PLCL1: variants seen among roughly 807,000 people sequenced by gnomAD.
The protein encoded by PLCL1 is phospholipase C like 1 (inactive).
PLCL1 carries 41 observed loss-of-function variants against 84.4 expected under a neutral mutation model. The ratio of observed to expected loss-of-function variants is 0.49; its 90% CI spans 0.38 to 0.63. The LOEUF (loss-of-function observed/expected upper bound fraction) is 0.63. PLCL1 is among the 30% of genes least tolerant of loss of function. The probability of loss-of-function intolerance (pLI) is 0.00; values close to 1 mark genes in which losing one functional copy is unlikely to be tolerated. For synonymous variants in PLCL1, 490 were observed against 488.3 expected, an observed-to-expected ratio of 1.00 and a Z score of -0.05; for missense variants, 1,206 against 1,367.8, an observed-to-expected ratio of 0.88 and a Z score of 1.87.
chr2:197,988,500 A>G (rs547249002), intron 1 of PLCL1, among the ~76,000 whole-genome samples: 1 of 152,278 alleles, frequency 6.6e-6, no homozygotes, highest in Admixed American at 6.5e-5. Flanking sequence ...GAGTTACTTC[A>G]CTTGGAATAA....
At chr2:197,902,024 C>A (rs552708443) in intron 1 of PLCL1, among the ~76,000 whole-genome samples, 2 of 152,230 alleles carry the variant, frequency 1.3e-5, no homozygotes, top group South Asian at 2.1e-4. Flanking sequence ...ATCATATAAA[C>A]CCTCATAAAC....
intron 1 of PLCL1, among the ~76,000 whole-genome samples, chr2:197,922,515 A>G (rs1688723505): frequency 8.6e-6 from 1 of 116,938 alleles, no homozygotes; most frequent in South Asian, 2.9e-4. Flanking sequence ...CCCGTTCTCA[A>G]TGAGCTGTTG....
At chr2:197,993,394 G>T (rs1291942055) in intron 1 of PLCL1, among the ~76,000 whole-genome samples, 4 of 152,130 alleles carry the variant, frequency 2.6e-5, no homozygotes, top group Non-Finnish European at 5.9e-5. Context: ...TCTTGGGTAG[G>T]ATTTCTGGTG....
chr2:198,007,907 C>G (rs1353108061), intron 1 of PLCL1, among the ~76,000 whole-genome samples: 2 of 151,964 alleles, frequency 1.3e-5, no homozygotes, highest in Non-Finnish European at 2.9e-5. Context: ...AATATGCCAC[C>G]CAAACCTAGG....
intron 1 of PLCL1, among the ~76,000 whole-genome samples, chr2:198,015,440 G>A (rs1690974281): frequency 6.6e-6 from 1 of 152,102 alleles, no homozygotes; most frequent in South Asian, 2.1e-4. Context: ...AAATCAGAAA[G>A]CAAAAGTTTT....
Position 197,939,297 on chromosome 2 carries a change from A to G in PLCL1, c.240+133958A>G, listed in dbSNP as rs78582155. Among the ~76,000 whole-genome samples the G allele has an allele frequency of 4.8e-3, 729 of 152,292 alleles. 5 individuals are homozygous for G. Among genetic ancestry groups the G allele is most frequent in the African/African-American group, 0.016 (681 of 41,572 alleles). ...TGTCTCTTAACCCTGAATGCACATT[A>G]GAATGACCTGGGAGCATTTAAAAAG... On this transcript the variant is annotated intron_variant, in intron 1 of 5. Transcript: ENST00000428675.
chr2:198,092,436 A>C lies in PLCL1; in HGVS notation c.2919+3375A>C, dbSNP rs1693068500. Among the ~76,000 whole-genome samples, 4 of 152,330 alleles carry C rather than the reference A, an allele frequency of 2.6e-5. No individual in the cohort carries two copies. The South Asian group carries it at 8.3e-4, about 32-fold the overall frequency. On this transcript the variant is annotated intron_variant, in intron 3 of 5. Transcript: ENST00000428675. ...CAATATGTAATGATCAAATTAGAGT[A>C]ATTAGCATATCCATCACCTCAAACA...
intron 1 of PLCL1, among the ~76,000 whole-genome samples, chr2:198,036,724 A>C (rs934007232): frequency 6.6e-6 from 1 of 152,214 alleles, no homozygotes; most frequent in Non-Finnish European, 1.5e-5. Context: ...CACTACACAA[A>C]ACTTTGCTAC....
intron 1 of PLCL1, among the ~76,000 whole-genome samples, chr2:198,078,723 A>G (rs919747151): frequency 2.0e-5 from 3 of 152,116 alleles, no homozygotes; most frequent in Admixed American, 2.0e-4. Context: ...CTTAAAAAAA[A>G]CTTGCCAAAA....
At chr2:197,897,190 TCCTTCTCCTTCTTC>T (rs1688165527) in intron 1 of PLCL1, among the ~76,000 whole-genome samples, 1 of 36,902 alleles carries the variant, frequency 2.7e-5, no homozygotes, top group Non-Finnish European at 5.5e-5. Context: ...CTTCTTCTTC[TCCTTCTCCTTCTTC>T]TTTCTTCTTC....
At chr2:197,848,375 C>T (rs700684) in intron 1 of PLCL1, among the ~76,000 whole-genome samples, 110,525 of 152,074 alleles carry the variant, frequency 0.73, 41,208 homozygotes, top group African/African-American at 0.9. Context: ...CTTGGTAAAA[C>T]GGGAGTACGT....
chr2:198,144,401 A>G (rs1303518975), intron 5 of PLCL1, among the ~76,000 whole-genome samples: 1 of 152,216 alleles, frequency 6.6e-6, no homozygotes, highest in Non-Finnish European at 1.5e-5. Flanking sequence ...TACATTATAC[A>G]TATCTCTGTA....
chr2:197,994,459 G>A (rs1518369), intron 1 of PLCL1, among the ~76,000 whole-genome samples: 27,727 of 152,102 alleles, frequency 0.18, 2,602 homozygotes, highest in East Asian at 0.26. Flanking sequence ...AAAGTCATCT[G>A]AGTCAGAAAT....
intron 1 of PLCL1, among the ~76,000 whole-genome samples, chr2:198,017,484 A>G (rs985424979): frequency 6.6e-6 from 1 of 152,240 alleles, no homozygotes; most frequent in South Asian, 2.1e-4. Context: ...TATAGCAGGC[A>G]CTCAGTACTT....
chr2:198,003,762 A>C (rs1690661446), intron 1 of PLCL1, among the ~76,000 whole-genome samples: 1 of 152,218 alleles, frequency 6.6e-6, no homozygotes, highest in African/African-American at 2.4e-5. Context: ...CTCACTGTAC[A>C]TTCTCTATAC....
At chr2:197,924,961 T>A (rs999703728) in intron 1 of PLCL1, among the ~76,000 whole-genome samples, 1 of 152,166 alleles carries the variant, frequency 6.6e-6, no homozygotes, top group Non-Finnish European at 1.5e-5. Context: ...TTGAATAAAT[T>A]CGGGCAATCA....
chr2:198,064,823 T>C (rs2105880285), intron 1 of PLCL1, among the ~76,000 whole-genome samples: 1 of 152,332 alleles, frequency 6.6e-6, no homozygotes, highest in Non-Finnish European at 1.5e-5. Flanking sequence ...AAAGTCTTTA[T>C]GTTTTGCAGA....
intron 1 of PLCL1, among the ~76,000 whole-genome samples, chr2:197,890,805 C>CACGCA (rs1444173970): frequency 9.0e-5 from 11 of 122,312 alleles, no homozygotes; most frequent in Non-Finnish European, 8.2e-5. Context: ...TATATATTTG[C>CACGCA]TATATATGTG....
intron 1 of PLCL1, among the ~76,000 whole-genome samples, chr2:197,846,956 CA>C (rs1275617260): frequency 1.2e-4 from 19 of 152,058 alleles, no homozygotes; most frequent in Non-Finnish European, 1.6e-4. Context: ...TTCTTTTCCA[CA>C]TTTTATAACT....
Sources: allele counts gnomAD v4.1 joint callset (sites outside exome capture counted in the v4.1 genomes callset), GRCh38; gene constraint gnomAD v4.1.1; transcripts MANE v1.5; gene names NCBI Gene and HGNC (gene_info 2026-07-23, HGNC 2026-07-21).